The following CDK18 variants were observed in gnomAD, a reference collection of about 807,000 sequenced individuals.
CDK18 encodes the protein cyclin-dependent kinase 18.
A neutral mutation model predicts 62.0 loss-of-function variants in CDK18; 52 were observed. The observed-to-expected ratio is 0.84, with a 90% confidence interval of 0.67 to 1.06. The LOEUF is 1.06. Ranked by LOEUF, CDK18 falls within the 50% of genes least tolerant of loss-of-function variation. The pLI is 0.00. For synonymous variants in CDK18, 237 were observed against 247.0 expected (o/e 0.96, Z 0.38); for missense variants, 604 against 619.9 (o/e 0.97, Z 0.27).
chr1:205,506,743 G>A (rs1667324551), intron 1 of CDK18, among the ~76,000 whole-genome samples: 1 of 152,136 alleles, frequency 6.6e-6, no homozygotes, highest in Non-Finnish European at 1.5e-5. Context: ...TCTGGTCTGC[G>A]TCAGTCCTCA....
rs1416071485 is a variant in CDK18, at chr1:205,527,486, A to AG, written c.730-308_730-307insG. 7.6e-3 allele frequency: 841 copies of AG among 111,352 alleles called. 10 individuals are homozygous for AG. Among genetic ancestry groups the AG allele is most frequent in the African/African-American group, 0.035 (762 of 21,512 alleles). The allele number at this position is 111,352 out of a possible 1,614,324, so 6.9% of individuals were successfully genotyped here. A position where few individuals can be genotyped will look rare whatever the true frequency, so the allele number is the denominator to read the frequency against. On this transcript the variant is annotated intron_variant, in intron 8 of 15. Coordinates refer to ENST00000429964, the MANE Select transcript of CDK18 (RefSeq NM_212502.3). The surrounding 1 kb of genome is among the most constrained non-coding windows in gnomAD (Gnocchi z 4.1). Reference sequence around the variant, plus strand: ...AGAGTAAAACCCTGACTCTAAAAGAAAAAAAAAAAAAAAAGGGATCAAGCA... The same window carrying AG: ...AGAGTAAAACCCTGACTCTAAAAGAAGAAAAAAAAAAAAAAGGGATCAAGCA...
intron 5 of CDK18, among the ~76,000 whole-genome samples, 182 bp downstream of exon 5, chr1:205,525,377 T>C (rs1668372702): frequency 6.6e-6 from 1 of 152,136 alleles, no homozygotes; most frequent in South Asian, 2.1e-4. Context: ...GGGATTGAAG[T>C]GAGCTCAGAT....
At position 205,527,437 on chromosome 1, in the gene CDK18, C is replaced by T. The variant is rs1668491035; in HGVS notation, c.730-357C>T. ...GAGGCTGCAGTGAGCCATGATCACA[C>T]CACTGCACTCCAGCCTGGGTGACAG... On this transcript the variant is annotated intron_variant, in intron 8 of 15. Coordinates refer to ENST00000429964, the MANE Select transcript of CDK18 (RefSeq NM_212502.3). The surrounding 1 kb of genome is among the most constrained non-coding windows in gnomAD (Gnocchi z 4.1). 4.0e-6 allele frequency: 1 copy of T among 247,902 alleles called. No individual in the cohort carries two copies. Among genetic ancestry groups the T allele is most frequent in the Admixed American group, 5.1e-5 (1 of 19,726 alleles). The allele number at this position is 247,902 out of a possible 1,614,324, so 15.4% of individuals were successfully genotyped here.
chr1:205,508,259 G>A (rs1301530129), intron 1 of CDK18, among the ~76,000 whole-genome samples: 1 of 152,048 alleles, frequency 6.6e-6, no homozygotes, highest in Non-Finnish European at 1.5e-5. Context: ...TCCCTGCTGA[G>A]TGGGCACTTT....
intron 1 of CDK18, among the ~76,000 whole-genome samples, chr1:205,518,934 G>A (rs1667971260): frequency 6.6e-6 from 1 of 152,144 alleles, no homozygotes; most frequent in Admixed American, 6.5e-5. Flanking sequence ...AGGTTGGCTG[G>A]GGTCTGCCTG....
At chr1:205,509,152 A>G (rs2102270084) in intron 1 of CDK18, among the ~76,000 whole-genome samples, 1 of 152,218 alleles carries the variant, frequency 6.6e-6, no homozygotes, top group South Asian at 2.1e-4. Context: ...AACAAAACAA[A>G]AAACGGGTCT....
At chr1:205,522,859 T>C (rs993039970) in intron 1 of CDK18, 2 of 296,926 alleles carry the variant, frequency 6.7e-6, no homozygotes, top group Non-Finnish European at 1.3e-5. Flanking sequence ...GACCAATACT[T>C]TGCTGGACTA....
At chr1:205,520,915 C>T (rs529456824) in intron 1 of CDK18, among the ~76,000 whole-genome samples, 2 of 152,160 alleles carry the variant, frequency 1.3e-5, no homozygotes, top group South Asian at 4.2e-4. Context: ...ATGGTGGCTG[C>T]CCTCTGGAAG....
intron 15 of CDK18, 89 bp from the exon 16 acceptor site, chr1:205,531,255 C>A: frequency 8.1e-7 from 1 of 1,237,388 alleles, no homozygotes; most frequent in Non-Finnish European, 1.2e-6. Context: ...GTCAGAGCAG[C>A]TCTGGGGGAC....
rs1464372673 is a variant in CDK18 at position 205,507,916 on chromosome 1, CAGG to C, written c.-22+3124_-22+3126del. Among the ~76,000 whole-genome samples the C allele has an allele frequency of 3.3e-5, 5 of 152,228 alleles. No homozygotes were observed. In the East Asian group the frequency reaches 9.7e-4, roughly 29 times the overall value. On this transcript the variant is annotated intron_variant, in intron 1 of 15. Coordinates refer to ENST00000429964, the MANE Select transcript of CDK18 (RefSeq NM_212502.3). ...GGGAATGGGTTGGATGGAAATCTTCCAGGAGGGGCCAGGAATCTGTGCTGTGGG... is the reference window on the plus strand; with the variant it reads ...GGGAATGGGTTGGATGGAAATCTTCCAGGGGCCAGGAATCTGTGCTGTGGG...
chr1:205,528,215 A>G lies in CDK18; in HGVS notation c.974+47A>G. 6.3e-7 allele frequency: 1 copy of G among 1,591,576 alleles called. No individual in the cohort carries two copies. On this transcript the variant is annotated intron_variant, in intron 10 of 15. Coordinates refer to ENST00000429964, the MANE Select transcript of CDK18 (RefSeq NM_212502.3). The surrounding 1 kb of genome is among the most constrained non-coding windows in gnomAD (Gnocchi z 4.2). The stretch of plus-strand genomic sequence containing the variant: ...CGAGGAGGGGAGGACAGGCCTGGCC[A>G]CACCTCCAGACTCTCCTTTGCTTCC...
At position 205,523,494 on chromosome 1, in the gene CDK18, G is replaced by C. The variant is rs35134237; in HGVS notation, c.142G>C (p.Gly48Arg). ...HNRRNENLQL[G>R]PLGRDPPQEC... is the part of the protein sequence containing the mutation. The stretch of plus-strand genomic sequence containing the variant: ...CCTGTCCCTCTTAGACTTGCAGCTC[G>C]GTCCTCTTGGCAGAGACCCCCCGCA... Residue 48 changes from glycine to arginine, a missense_variant, in exon 3 of 16, where the codon GGT becomes CGT. Gly to Arg is a moderately radical substitution (Grantham distance 125). Transcript: ENST00000429964. The C allele has an allele frequency of 3.1e-6, 5 of 1,603,016 alleles. No homozygotes were observed. Among genetic ancestry groups the C allele is most frequent in the Non-Finnish European group, 4.3e-6 (5 of 1,175,398 alleles).
At position 205,527,712 on chromosome 1, in the gene CDK18, C is replaced by T; in HGVS notation, c.730-82C>T. ...GCTTGTGCTGACCTCACTGCCAAGCCCCTGCCCCCATCCTGGTCCCAGCCT... is the reference window on the plus strand; with the variant it reads ...GCTTGTGCTGACCTCACTGCCAAGCTCCTGCCCCCATCCTGGTCCCAGCCT... On this transcript the variant is annotated intron_variant, in intron 8 of 15. Coordinates refer to ENST00000429964, the MANE Select transcript of CDK18 (RefSeq NM_212502.3). The surrounding 1 kb of genome is among the most constrained non-coding windows in gnomAD (Gnocchi z 4.1). The T allele has an allele frequency of 7.2e-7, 1 of 1,380,248 alleles. No individual in the cohort carries two copies. Among genetic ancestry groups the T allele is most frequent in the Non-Finnish European group, 1.0e-6 (1 of 980,058 alleles). 85.5% of individuals were successfully genotyped at this position (1,380,248 alleles called of 1,614,324 possible).
rs1668620407 is a variant in CDK18, at chr1:205,529,401, C to G, written c.1150C>G (p.Pro384Ala). The change falls in exon 12 of 16, where the codon CCG becomes GCG. Residue 384 changes from proline to alanine, a missense_variant. Physicochemically the swap from Pro to Ala is conservative, Grantham distance 27. Coordinates refer to ENST00000429964, the MANE Select transcript of CDK18 (RefSeq NM_212502.3). ...FRTYSFPCYL[P>A]QPLINHAPRL... is the part of the protein sequence containing the mutation. ...CACCTACAGCTTCCCCTGCTACCTCCCGCAGCCGCTCATCAACCACGCGCC... is the reference window on the plus strand; with the variant it reads ...CACCTACAGCTTCCCCTGCTACCTCGCGCAGCCGCTCATCAACCACGCGCC... 6.2e-7 allele frequency: 1 copy of G among 1,614,060 alleles called. No homozygotes were observed. The highest frequency in any genetic ancestry group is 8.5e-7 in the Non-Finnish European group (1 of 1,179,958).
chr1:205,521,327 T>C (rs984900969), intron 1 of CDK18, among the ~76,000 whole-genome samples: 2 of 152,220 alleles, frequency 1.3e-5, no homozygotes, highest in Non-Finnish European at 2.9e-5. Flanking sequence ...TCCTCCTGCT[T>C]CAGCCTCCCA....
Position 205,517,630 on chromosome 1 carries a change from G to A in CDK18, c.-21-5517G>A, listed in dbSNP as rs1263127086. Among the ~76,000 whole-genome samples the A allele has an allele frequency of 2.0e-5, 3 of 151,986 alleles. No homozygotes were observed. Among genetic ancestry groups the A allele is most frequent in the Non-Finnish European group, 2.9e-5 (2 of 68,008 alleles). ...TATCTCTCCACTCCGGCTGCTTGGC[G>A]AAAACCCTGCTGCAGAGTCATGCTT... is the stretch of plus-strand genomic sequence containing the variant. On this transcript the variant is annotated intron_variant, in intron 1 of 15. Coordinates refer to ENST00000429964, the MANE Select transcript of CDK18 (RefSeq NM_212502.3). This position sits in a 1 kb window ranked among gnomAD's most constrained non-coding sequence, Gnocchi z 4.1.
chr1:205,514,327 G>A (rs1036048365), intron 1 of CDK18, among the ~76,000 whole-genome samples: 2 of 152,108 alleles, frequency 1.3e-5, no homozygotes, highest in African/African-American at 4.8e-5. Flanking sequence ...ACCAATCCCT[G>A]TATTCCTGTT....
At chr1:205,530,512 G>A in intron 14 of CDK18, 116 bp from the exon 15 acceptor site, 1 of 1,206,186 alleles carries the variant, frequency 8.3e-7, no homozygotes, top group Non-Finnish European at 1.2e-6. Context: ...AAATTGAGGG[G>A]GCAAACAGTG....
chr1:205,531,422 G>C lies in CDK18; in HGVS notation c.*44G>C, dbSNP rs753170841. 3.8e-6 allele frequency: 6 copies of C among 1,585,430 alleles called. No individual in the cohort carries two copies. The East Asian group carries it at 1.1e-4, about 30-fold the overall frequency. On this transcript the variant is annotated 3_prime_UTR_variant, in exon 16 of 16. Transcript: ENST00000429964. ...TGGCCAAGGGACAAGAGATCACATGGAGCACAAATTCGGGTAGGATGGAGC... is the reference window on the plus strand; with the variant it reads ...TGGCCAAGGGACAAGAGATCACATGCAGCACAAATTCGGGTAGGATGGAGC...
Sources: allele counts gnomAD v4.1 joint callset (sites outside exome capture counted in the v4.1 genomes callset), GRCh38; gene constraint gnomAD v4.1.1; non-coding constraint Gnocchi (gnomAD v3.1); transcripts MANE v1.5; gene names NCBI Gene and HGNC (gene_info 2026-07-23, HGNC 2026-07-21).